Variants in LAMA4 observed in about 807,000 individuals in gnomAD.
LAMA4 encodes laminin subunit alpha 4, also known as laminin subunit alpha-4.
Under a neutral mutation model 207.1 loss-of-function variants are expected in LAMA4, and 127 were observed. The ratio of observed to expected loss-of-function variants is 0.61; its 90% CI spans 0.53 to 0.71. LAMA4 has a LOEUF of 0.71. Among genes scored for constraint, LAMA4 ranks in the 30% least tolerant of loss-of-function variants. The probability of loss-of-function intolerance (pLI) is 0.00; values close to 1 mark genes in which losing one functional copy is unlikely to be tolerated. For missense variants in LAMA4, 2,093 were observed against 2,246.5 expected (o/e 0.93, Z 1.38); for synonymous variants, 761 against 816.0 (o/e 0.93, Z 1.15).
At chr6:112,135,157 T>A (rs773983744) in intron 25 of LAMA4, among the ~76,000 whole-genome samples, 3 of 152,112 alleles carry the variant, frequency 2.0e-5, no homozygotes, top group Non-Finnish European at 4.4e-5. Flanking sequence ...TAACATGAGA[T>A]CTATCCTAAA....
At position 112,237,942 on chromosome 6, in the gene LAMA4, G is replaced by A. The variant is rs553606352; in HGVS notation, c.195+16014C>T. 1.3e-4 allele frequency among the ~76,000 whole-genome samples: 20 copies of A among 152,320 alleles called. 1 individual carries two copies. The South Asian group carries it at 3.9e-3, about 30-fold the overall frequency. ...TTCCCGATTAATGTTGACAAATCAT[G>A]ATTCTCACTGTGTTTCTCTTTCTTC... On this transcript the variant is annotated intron_variant, in intron 2 of 38. Transcript: ENST00000230538.
intron 2 of LAMA4, among the ~76,000 whole-genome samples, chr6:112,248,360 A>C (rs1008340943): frequency 6.6e-6 from 1 of 152,012 alleles, no homozygotes; most frequent in Admixed American, 6.6e-5. Context: ...TTAGCCAGGC[A>C]TGGTGGCACA....
intron 5 of LAMA4, among the ~76,000 whole-genome samples, chr6:112,199,435 T>C (rs1583869429): frequency 1.3e-5 from 2 of 152,176 alleles, no homozygotes; most frequent in South Asian, 4.1e-4. Flanking sequence ...AACTCCATCC[T>C]GGCTGATTAA....
chr6:112,224,161 T>C (rs1458498997), intron 2 of LAMA4, among the ~76,000 whole-genome samples: 3 of 152,200 alleles, frequency 2.0e-5, no homozygotes, highest in Non-Finnish European at 4.4e-5. Context: ...AACACTTAGG[T>C]GCTTCAACCT....
chr6:112,148,103 G>A (rs2114738267), intron 18 of LAMA4, 54 bp downstream of exon 18: 5 of 1,531,330 alleles, frequency 3.3e-6, no homozygotes, highest in Non-Finnish European at 4.5e-6. Flanking sequence ...GATGTATAGA[G>A]TTTAATGGCC....
rs781983423 is a variant in LAMA4 at position 112,214,027 on chromosome 6, G to C, written c.297+2341C>G. The C allele has an allele frequency of 5.2e-6, 4 of 764,012 alleles. No individual in the cohort carries two copies. In the South Asian group the frequency reaches 5.5e-5, roughly 11 times the overall value. 47.3% of individuals were successfully genotyped at this position (764,012 alleles called of 1,614,324 possible). On this transcript the variant is annotated intron_variant, in intron 3 of 38. Transcript: ENST00000230538. ...GGCTCCCTGAGAGCTGAGAATGAAC[G>C]ATAGGGCAGAAGCTGAAAAACCTGG...
chr6:112,140,774 G>C lies in LAMA4; in HGVS notation c.2962C>G (p.Pro988Ala). The C allele has an allele frequency of 1.9e-6, 3 of 1,613,884 alleles. No homozygotes were observed. Among genetic ancestry groups the C allele is most frequent in the Non-Finnish European group, 2.5e-6 (3 of 1,179,870 alleles). ...GTATGGCTGACCTTGAAGTTGGAAG[G>C]CACTCCACCAACATAAAACACTGTG... ...EDTVFYVGGV[P>A]SNFKLPTSLN... Residue 988 changes from proline to alanine, a missense_variant, in exon 22 of 39, where the codon CCT (proline) becomes GCT (alanine). Pro to Ala is a conservative substitution (Grantham distance 27). Coordinates refer to ENST00000230538, the MANE Select transcript of LAMA4 (RefSeq NM_001105206.3).
At chr6:112,109,659 A>G (rs988087176) in intron 38 of LAMA4, 77 bp from the exon 39 acceptor site, 1 of 1,436,458 alleles carries the variant, frequency 7.0e-7, no homozygotes, top group Non-Finnish European at 9.7e-7. Context: ...TGGTAAAAGT[A>G]TACATATTTG....
At chr6:112,192,754 T>A (rs1430537722) in intron 5 of LAMA4, among the ~76,000 whole-genome samples, 1 of 152,102 alleles carries the variant, frequency 6.6e-6, no homozygotes, top group African/African-American at 2.4e-5. Context: ...GAGGAAGAAA[T>A]GCCTTTCCCT....
At chr6:112,214,049 C>T (rs781824937) in intron 3 of LAMA4, 4 of 762,692 alleles carry the variant, frequency 5.2e-6, no homozygotes, top group African/African-American at 5.1e-5. Context: ...GCTGAAAAAC[C>T]TGGGTCTTCT....
intron 16 of LAMA4, among the ~76,000 whole-genome samples, chr6:112,151,193 T>C (rs1780382755): frequency 6.6e-6 from 1 of 152,180 alleles, no homozygotes; most frequent in South Asian, 2.1e-4. Context: ...CCAAAGATAA[T>C]CACTTTTTTG....
intron 24 of LAMA4, among the ~76,000 whole-genome samples, chr6:112,138,614 T>C (rs1369283275): frequency 6.6e-6 from 1 of 152,106 alleles, no homozygotes; most frequent in Non-Finnish European, 1.5e-5. Flanking sequence ...ATCTTTTATT[T>C]TATCTTTATA....
At position 112,192,663 on chromosome 6, in the gene LAMA4, T is replaced by C. The variant is rs552670057; in HGVS notation, c.504-813A>G. 3.9e-5 allele frequency among the ~76,000 whole-genome samples: 6 copies of C among 152,286 alleles called. 1 individual carries two copies. The South Asian group carries it at 1.2e-3, about 32-fold the overall frequency. On this transcript the variant is annotated intron_variant, in intron 5 of 38. Coordinates refer to ENST00000230538, the MANE Select transcript of LAMA4 (RefSeq NM_001105206.3). ...CCTTTGATGAGAGAGCCCAGCTGAG[T>C]TGGAGAATGGAGACTGAAATCCATC...
Position 112,118,933 on chromosome 6 carries a change from A to G in LAMA4, c.4821+223T>C, listed in dbSNP as rs1778186042. ...TAATTTATGCCTCTGAAACTTTTTC[A>G]TTTGACATCTACCTTAGAATTGAAA... On this transcript the variant is annotated intron_variant, in intron 34 of 38. Transcript: ENST00000230538. The surrounding 1 kb of genome is among the most constrained non-coding windows in gnomAD (Gnocchi z 4.6). Among the ~76,000 whole-genome samples, 1 of 152,170 alleles carries G rather than the reference A, an allele frequency of 6.6e-6. No individual in the cohort carries two copies. Among genetic ancestry groups the G allele is most frequent in the African/African-American group, 2.4e-5 (1 of 41,432 alleles).
In LAMA4 at chr6:112,155,555, G is replaced by T. The variant is rs1780657930; in HGVS notation, c.1959+10C>A. The T allele has an allele frequency of 6.2e-7, 1 of 1,613,980 alleles. No individual in the cohort carries two copies. The highest frequency in any genetic ancestry group is 1.3e-5 in the African/African-American group (1 of 75,042). ...AGGCAAGGTATAAAGAACTTTCAGG[G>T]AATACTCACATCATAAATTCGGTCA... On this transcript the variant is annotated intron_variant, in intron 15 of 38. Coordinates refer to ENST00000230538, the MANE Select transcript of LAMA4 (RefSeq NM_001105206.3).
chr6:112,154,755 T>C, intron 16 of LAMA4, 96 bp downstream of exon 16: 2 of 821,196 alleles, frequency 2.4e-6, no homozygotes, highest in Non-Finnish European at 2.2e-6. Context: ...TATAATACTA[T>C]TCTTTAATCC....
chr6:112,199,007 G>C (rs140732737), intron 5 of LAMA4, among the ~76,000 whole-genome samples: 103 of 152,284 alleles, frequency 6.8e-4, no homozygotes, highest in African/African-American at 2.4e-3. Flanking sequence ...ACTCACCCAG[G>C]CTAATGCTCA....
Position 112,140,756 on chromosome 6 carries a change from T to C in LAMA4, c.2976+4A>G, listed in dbSNP as rs1173139276. The C allele has an allele frequency of 2.5e-6, 4 of 1,613,592 alleles. No individual in the cohort carries two copies. The highest frequency in any genetic ancestry group is 1.6e-4 in the Middle Eastern group (1 of 6,084). Reference sequence around the variant, plus strand: ...ATAGGTCAAAATATAGCTGTATGGCTGACCTTGAAGTTGGAAGGCACTCCA... The same window carrying C: ...ATAGGTCAAAATATAGCTGTATGGCCGACCTTGAAGTTGGAAGGCACTCCA... On this transcript the variant is annotated splice_donor_region_variant and intron_variant, in intron 22 of 38. Coordinates refer to ENST00000230538, the MANE Select transcript of LAMA4 (RefSeq NM_001105206.3).
At chr6:112,155,305 T>C (rs1170893113) in intron 15 of LAMA4, 2 of 567,268 alleles carry the variant, frequency 3.5e-6, no homozygotes, top group African/African-American at 3.8e-5. Context: ...TTTAAATACA[T>C]ATTTTTTTTT....
Sources: allele counts gnomAD v4.1 joint callset (sites outside exome capture counted in the v4.1 genomes callset), GRCh38; gene constraint gnomAD v4.1.1; non-coding constraint Gnocchi (gnomAD v3.1); transcripts MANE v1.5; gene names NCBI Gene and HGNC (gene_info 2026-07-23, HGNC 2026-07-21).